Variants in GALNTL6 observed in about 807,000 individuals in gnomAD.
GALNTL6 encodes polypeptide N-acetylgalactosaminyltransferase-like 6.
GALNTL6 carries 46 observed loss-of-function variants against 73.7 expected under a neutral mutation model. That is an observed-to-expected ratio of 0.62 (90% CI 0.49 to 0.80). The LOEUF (loss-of-function observed/expected upper bound fraction) is 0.80. Among genes scored for constraint, GALNTL6 ranks in the 30% least tolerant of loss-of-function variants. The probability of loss-of-function intolerance (pLI) is 0.00; values close to 1 mark genes in which losing one functional copy is unlikely to be tolerated. For missense variants in GALNTL6, 604 were observed against 755.0 expected (o/e 0.80, Z 2.34); for synonymous variants, 259 against 263.7 (o/e 0.98, Z 0.17).
At chr4:172,686,707 G>A (rs1157767116) in intron 5 of GALNTL6, among the ~76,000 whole-genome samples, 2 of 152,118 alleles carry the variant, frequency 1.3e-5, no homozygotes, top group East Asian at 3.9e-4. Context: ...AGGACACATT[G>A]CTTTGTGCTA....
chr4:172,057,573 G>A (rs1731053539), intron 2 of GALNTL6, among the ~76,000 whole-genome samples: 1 of 150,298 alleles, frequency 6.7e-6, no homozygotes, highest in Admixed American at 6.6e-5. Context: ...TGGGTGTGGT[G>A]GTATACTCCT....
At chr4:172,790,719 C>T (rs1449634702) in intron 5 of GALNTL6, among the ~76,000 whole-genome samples, 4 of 151,706 alleles carry the variant, frequency 2.6e-5, no homozygotes, top group Admixed American at 1.3e-4. Flanking sequence ...GGTGAAACTG[C>T]GTCTCTACTA....
intron 7 of GALNTL6, among the ~76,000 whole-genome samples, chr4:172,827,254 A>G (rs998870695): frequency 2.0e-5 from 3 of 152,134 alleles, no homozygotes; most frequent in African/African-American, 7.2e-5. Flanking sequence ...CTCAGAGATG[A>G]GTCCCTTCAC....
intron 2 of GALNTL6, among the ~76,000 whole-genome samples, chr4:171,937,976 G>A (rs1444170708): frequency 6.6e-6 from 1 of 151,950 alleles, no homozygotes; most frequent in Non-Finnish European, 1.5e-5. Flanking sequence ...TCAGATACTT[G>A]GGTTGTTTCT....
chr4:171,835,116 G>A lies in GALNTL6; in HGVS notation c.138+20398G>A, dbSNP rs79036183. On this transcript the variant is annotated intron_variant, in intron 2 of 12. Transcript: ENST00000506823. ...ATTGACAAACATATCACTTAGAAAT[G>A]AGGAGTAAATTCAAAAGGATTTATG... Among the ~76,000 whole-genome samples the A allele has an allele frequency of 7.8e-3, 1,193 of 152,120 alleles. 21 individuals are homozygous for A. Among genetic ancestry groups the A allele is most frequent in the African/African-American group, 0.027 (1,134 of 41,532 alleles).
chr4:172,753,329 C>G (rs2110790445), intron 5 of GALNTL6, among the ~76,000 whole-genome samples: 1 of 152,214 alleles, frequency 6.6e-6, no homozygotes, highest in African/African-American at 2.4e-5. Context: ...TATAAATTAC[C>G]CAGTCTCAGG....
chr4:172,323,425 A>G (rs1740827280), intron 4 of GALNTL6, among the ~76,000 whole-genome samples: 1 of 152,288 alleles, frequency 6.6e-6, no homozygotes. Flanking sequence ...TTACTATGTA[A>G]ATTGGTGCTT....
intron 2 of GALNTL6, among the ~76,000 whole-genome samples, chr4:171,929,404 T>C (rs1738103882): frequency 6.6e-6 from 1 of 152,144 alleles, no homozygotes; most frequent in Non-Finnish European, 1.5e-5. Flanking sequence ...GTTTAAACAT[T>C]AAGACTCCCT....
At chr4:171,870,098 G>A (rs530326405) in intron 2 of GALNTL6, among the ~76,000 whole-genome samples, 4 of 152,282 alleles carry the variant, frequency 2.6e-5, no homozygotes, top group Admixed American at 2.0e-4. Context: ...CGGAGACCAA[G>A]AGATCATGCA....
At chr4:172,187,749 G>T (rs1446786499) in intron 2 of GALNTL6, among the ~76,000 whole-genome samples, 1 of 152,112 alleles carries the variant, frequency 6.6e-6, no homozygotes. Context: ...CCTTAATAGG[G>T]ATAATGAATT....
chr4:172,467,069 CA>C (rs1373316145), intron 5 of GALNTL6, among the ~76,000 whole-genome samples: 1 of 152,130 alleles, frequency 6.6e-6, no homozygotes, highest in African/African-American at 2.4e-5. Context: ...TTAATCAATA[CA>C]TCAACTCTTA....
rs528932868 is a variant in GALNTL6, at chr4:172,193,788, G to A, written c.139-35868G>A. 3.9e-5 allele frequency among the ~76,000 whole-genome samples: 6 copies of A among 152,178 alleles called. No individual in the cohort carries two copies. In the East Asian group the frequency reaches 7.7e-4, roughly 20 times the overall value. The stretch of plus-strand genomic sequence containing the variant: ...TGAGGCAGGAGAATGGCGTGAACCC[G>A]GGAGGCGGAACTTGCAGTGAGCTGA... On this transcript the variant is annotated intron_variant, in intron 2 of 12. Transcript: ENST00000506823.
chr4:172,474,078 CAA>C (rs1733146183), intron 5 of GALNTL6, among the ~76,000 whole-genome samples: 1 of 152,196 alleles, frequency 6.6e-6, no homozygotes, highest in African/African-American at 2.4e-5. Context: ...ATCCTGCACA[CAA>C]GCCTACTCGT....
intron 7 of GALNTL6, among the ~76,000 whole-genome samples, chr4:172,857,355 A>G (rs914978536): frequency 6.6e-6 from 1 of 152,176 alleles, no homozygotes; most frequent in African/African-American, 2.4e-5. Context: ...CACGGGCCAC[A>G]TCATTAAAGC....
intron 7 of GALNTL6, among the ~76,000 whole-genome samples, chr4:172,879,534 TC>T (rs1206602206): frequency 6.6e-6 from 1 of 151,670 alleles, no homozygotes; most frequent in African/African-American, 2.4e-5. Flanking sequence ...AACATATAGG[TC>T]AAAAAATAAA....
intron 3 of GALNTL6, among the ~76,000 whole-genome samples, chr4:172,238,271 T>G (rs1486678855): frequency 6.6e-6 from 1 of 152,192 alleles, no homozygotes; most frequent in Non-Finnish European, 1.5e-5. Flanking sequence ...CATCTCTGAT[T>G]TCTTTGAGCA....
intron 5 of GALNTL6, among the ~76,000 whole-genome samples, chr4:172,670,167 C>G (rs745357958): frequency 1.3e-5 from 2 of 152,036 alleles, no homozygotes; most frequent in Non-Finnish European, 2.9e-5. Flanking sequence ...CATTTATATT[C>G]CAGTAATGGG....
rs116768387 is a variant in GALNTL6, at chr4:172,120,068, G to A, written c.139-109588G>A. 7.8e-3 allele frequency among the ~76,000 whole-genome samples: 1,193 copies of A among 152,236 alleles called. 21 individuals are homozygous for A. Among genetic ancestry groups the A allele is most frequent in the African/African-American group, 0.025 (1,054 of 41,538 alleles). ...AAGAAACAAGCATTATGAAGACAAC[G>A]TATTGAGGATTTCTTCCCACTTGAC... On this transcript the variant is annotated intron_variant, in intron 2 of 12. Coordinates refer to ENST00000506823, the MANE Select transcript of GALNTL6 (RefSeq NM_001034845.3).
chr4:172,997,933 T>C (rs749485514), intron 10 of GALNTL6, among the ~76,000 whole-genome samples: 5 of 152,184 alleles, frequency 3.3e-5, no homozygotes, highest in Non-Finnish European at 5.9e-5. Context: ...TGGCAAGACA[T>C]GGCTTTAGGA....
Sources: gnomAD v4.1 joint callset for allele counts (sites outside exome capture counted in the v4.1 genomes callset) on GRCh38, gnomAD v4.1.1 for gene constraint, MANE v1.5 for transcripts, NCBI Gene and HGNC (gene_info 2026-07-23, HGNC 2026-07-21) for gene names.